Variants in MGA observed in about 807,000 individuals in gnomAD.
The protein encoded by MGA is MAX gene-associated protein.
In MGA, 40 loss-of-function variants were observed where a neutral mutation model predicts 261.1. The ratio of observed to expected loss-of-function variants is 0.15; its 90% confidence interval spans 0.12 to 0.20. The LOEUF is 0.20. MGA is among the 10% of genes least tolerant of loss of function. The pLI, the probability that MGA is intolerant of heterozygous loss-of-function variation, is 1.00. For missense variants in MGA, 3,397 were observed against 3,630.5 expected (o/e 0.94, Z 1.65); for synonymous variants, 1,302 against 1,290.6 (o/e 1.01, Z -0.19).
At chr15:41,758,476 C>A (rs1329247385) in intron 19 of MGA, among the ~76,000 whole-genome samples, 1 of 151,964 alleles carries the variant, frequency 6.6e-6, no homozygotes, top group Non-Finnish European at 1.5e-5. Flanking sequence ...TGGTTTTGAT[C>A]TGATTTGGGA....
chr15:41,688,359 C>T (rs936099383), intron 2 of MGA, among the ~76,000 whole-genome samples: 7 of 152,122 alleles, frequency 4.6e-5, no homozygotes, highest in Non-Finnish European at 8.8e-5. Context: ...CATGAGCCAC[C>T]GTGCCCAGCC....
intron 1 of MGA, among the ~76,000 whole-genome samples, chr15:41,667,661 T>C (rs2057828996): frequency 6.6e-6 from 1 of 152,186 alleles, no homozygotes; most frequent in Non-Finnish European, 1.5e-5. Context: ...ATTATAGGTG[T>C]GAGTCACCAT....
intron 15 of MGA, among the ~76,000 whole-genome samples, chr15:41,746,383 A>G (rs1171150886): frequency 6.6e-6 from 1 of 152,056 alleles, no homozygotes; most frequent in East Asian, 1.9e-4. Context: ...TCTACTAAAA[A>G]TACAAAAAAA....
chr15:41,731,277 G>T (rs1033259844), intron 11 of MGA, among the ~76,000 whole-genome samples: 1 of 151,850 alleles, frequency 6.6e-6, no homozygotes, highest in African/African-American at 2.4e-5. Flanking sequence ...TAAAAACTTT[G>T]TTACCTATAT....
chr15:41,653,767 C>G (rs1416953991), intron 1 of MGA, among the ~76,000 whole-genome samples: 1 of 145,504 alleles, frequency 6.9e-6, no homozygotes, highest in Non-Finnish European at 1.5e-5. Context: ...TCAAATAAAA[C>G]AAGTTTCCCC....
chr15:41,636,040 T>G (rs2056697113), intron 1 of MGA, among the ~76,000 whole-genome samples: 1 of 152,194 alleles, frequency 6.6e-6, no homozygotes, highest in South Asian at 2.1e-4. Context: ...TGGATATACA[T>G]ATATTACATA....
At chr15:41,653,672 C>T (rs1272353528) in intron 1 of MGA, among the ~76,000 whole-genome samples, 1 of 148,612 alleles carries the variant, frequency 6.7e-6, no homozygotes, top group Non-Finnish European at 1.5e-5. Context: ...CATACCACTG[C>T]ACTCCATCCA....
At chr15:41,644,327 A>C (rs2056888371) in intron 1 of MGA, among the ~76,000 whole-genome samples, 1 of 137,200 alleles carries the variant, frequency 7.3e-6, no homozygotes, top group Admixed American at 7.7e-5. Flanking sequence ...TGGGCAACGT[A>C]GCAAGACTCC....
chr15:41,658,718 TG>T (rs755103326), upstream of MGA, among the ~76,000 whole-genome samples: 1 of 151,712 alleles, frequency 6.6e-6, no homozygotes, highest in Admixed American at 6.6e-5. Flanking sequence ...TTTTTTGTTT[TG>T]TTTTTTTAAA....
intron 15 of MGA, 109 bp from the exon 16 acceptor site, chr15:41,748,528 C>T (rs1198444316): frequency 7.8e-7 from 1 of 1,275,432 alleles, no homozygotes; most frequent in African/African-American, 1.5e-5. Context: ...TGCACTCCAG[C>T]CTGAGCAACA....
At chr15:41,733,288 T>TAA (rs200983766) in intron 11 of MGA, among the ~76,000 whole-genome samples, 1 of 149,876 alleles carries the variant, frequency 6.7e-6, no homozygotes, top group Non-Finnish European at 1.5e-5. Context: ...TGCTTTCACT[T>TAA]AAAAAAAAAA....
chr15:41,678,526 G>A (rs954946169), intron 2 of MGA, among the ~76,000 whole-genome samples: 1 of 151,512 alleles, frequency 6.6e-6, no homozygotes, highest in African/African-American at 2.4e-5. Flanking sequence ...AGCACTTTGG[G>A]AGGCTGAGGC....
In MGA at chr15:41,749,580, GAAGGT is replaced by G; in HGVS notation, c.5974_5978del (p.Lys1992SerfsTer11). The G allele has an allele frequency of 6.2e-7, 1 of 1,613,960 alleles. No individual in the cohort carries two copies. The highest frequency in any genetic ancestry group is 8.5e-7 in the Non-Finnish European group (1 of 1,179,892). ...CAATAAAAAGAGAGCAAGAAACGAA[GAAGGT>G]TCTACAGTCAGAAGGAGAGGCTGTA... On this transcript the variant is annotated frameshift_variant, in exon 17 of 24. Coordinates refer to ENST00000219905, the MANE Select transcript of MGA (RefSeq NM_001164273.2). LOFTEE classifies it high-confidence loss of function.
intron 2 of MGA, among the ~76,000 whole-genome samples, chr15:41,686,420 A>T (rs1467909224): frequency 1.3e-5 from 2 of 152,164 alleles, no homozygotes; most frequent in Non-Finnish European, 2.9e-5. Context: ...AGGCCCAGCT[A>T]CTTGAGAGGC....
rs1410895133 is a variant in MGA, at chr15:41,749,646, A to G, written c.6039A>G (p.Gly2013=). Residue 2013 remains glycine, a synonymous_variant, in exon 17 of 24, where the codon GGA becomes GGG. Transcript: ENST00000219905. ...CTAATGTAATAAAACAAAACTCAGG[A>G]GCTGCTACCTCAGAAGAAACTCTGA... 6.2e-7 allele frequency: 1 copy of G among 1,613,908 alleles called. No homozygotes were observed. The highest frequency in any genetic ancestry group is 1.3e-5 in the African/African-American group (1 of 74,924).
chr15:41,758,947 T>C (rs1488118345), intron 19 of MGA, among the ~76,000 whole-genome samples: 1 of 152,172 alleles, frequency 6.6e-6, no homozygotes, highest in Non-Finnish European at 1.5e-5. Context: ...ATGTTGATGC[T>C]TTTTTAACGT....
At chr15:41,721,755 A>C (rs571688502) in intron 9 of MGA, among the ~76,000 whole-genome samples, 60 of 152,342 alleles carry the variant, frequency 3.9e-4, no homozygotes, top group African/African-American at 1.4e-3. Context: ...TACACTGCTG[A>C]TGGGGAAATA....
rs1331192362 is a variant in MGA at position 41,719,266 on chromosome 15, A to G, written c.3430+5770A>G. ...TTAAGAGGCCTAAATAAATGGAAAA[A>G]TATATTGTTTTCATTTATCAGAAGA... On this transcript the variant is annotated intron_variant, in intron 9 of 23. Coordinates refer to ENST00000219905, the MANE Select transcript of MGA (RefSeq NM_001164273.2). 4.6e-5 allele frequency among the ~76,000 whole-genome samples: 7 copies of G among 152,178 alleles called. No individual in the cohort carries two copies. The East Asian group carries it at 1.2e-3, about 25-fold the overall frequency.
intron 1 of MGA, among the ~76,000 whole-genome samples, chr15:41,636,653 G>A (rs1324600651): frequency 6.6e-6 from 1 of 151,976 alleles, no homozygotes; most frequent in Non-Finnish European, 1.5e-5. Context: ...GACCTCAAGT[G>A]ACCTGTCCTC....
Sources: allele counts gnomAD v4.1 joint callset (sites outside exome capture counted in the v4.1 genomes callset), GRCh38; gene constraint gnomAD v4.1.1; transcripts MANE v1.5; gene names NCBI Gene and HGNC (gene_info 2026-07-23, HGNC 2026-07-21).